XDH: variants seen among roughly 807,000 people sequenced by gnomAD.
XDH encodes the protein xanthine dehydrogenase, also known as xanthine dehydrogenase/oxidase.
Under a neutral mutation model 156.1 loss-of-function variants are expected in XDH, and 138 were observed. That is an observed-to-expected ratio of 0.88 (90% CI 0.77 to 1.02). The LOEUF (loss-of-function observed/expected upper bound fraction) is 1.02. Ranked by LOEUF, XDH falls within the 50% of genes least tolerant of loss-of-function variation. The pLI, the probability that XDH is intolerant of heterozygous loss-of-function variation, is 0.00. For synonymous variants in XDH, 669 were observed against 625.7 expected (o/e 1.07, Z -1.03); for missense variants, 1,849 against 1,684.9 (o/e 1.10, Z -1.71).
intron 24 of XDH, among the ~76,000 whole-genome samples, chr2:31,361,004 G>A (rs1685763481): frequency 6.6e-6 from 1 of 152,226 alleles, no homozygotes; most frequent in African/African-American, 2.4e-5. Flanking sequence ...GCCTGATTTA[G>A]TAAAAAGTAT....
At chr2:31,391,111 C>T (rs1385072591) in intron 6 of XDH, among the ~76,000 whole-genome samples, 2 of 152,068 alleles carry the variant, frequency 1.3e-5, no homozygotes, top group African/African-American at 2.4e-5. Flanking sequence ...TTGCTTTACA[C>T]TTAGGTTTAT....
chr2:31,349,968 A>G, intron 25 of XDH, 64 bp downstream of exon 25: 1 of 1,612,088 alleles, frequency 6.2e-7, no homozygotes, highest in Non-Finnish European at 8.5e-7. Context: ...CCCAAGATAC[A>G]AAGCCGCTGT....
At chr2:31,342,398 G>T in intron 31 of XDH, 101 bp from the exon 32 acceptor site, 1 of 1,047,350 alleles carries the variant, frequency 9.5e-7, no homozygotes. Context: ...AACCCCACAA[G>T]TTTTTGCATT....
At chr2:31,357,565 G>T (rs188225584) in intron 24 of XDH, among the ~76,000 whole-genome samples, 95 of 152,240 alleles carry the variant, frequency 6.2e-4, no homozygotes, top group African/African-American at 2.3e-3. Context: ...TAGGGGGACA[G>T]AGGATAAAAT....
intron 21 of XDH, 134 bp from the exon 22 acceptor site, chr2:31,366,243 T>C (rs956523066): frequency 2.6e-6 from 4 of 1,517,954 alleles, no homozygotes; most frequent in Non-Finnish European, 3.6e-6. Flanking sequence ...GAAAATCCCA[T>C]GCAGCTTTGT....
intron 31 of XDH, among the ~76,000 whole-genome samples, chr2:31,344,336 C>G (rs1044193433): frequency 1.3e-5 from 2 of 152,158 alleles, no homozygotes; most frequent in Admixed American, 6.5e-5. Flanking sequence ...CAGGAGAACA[C>G]TGAGGGAGGA....
intron 15 of XDH, among the ~76,000 whole-genome samples, chr2:31,374,709 C>A (rs891144571): frequency 3.3e-5 from 5 of 152,190 alleles, no homozygotes; most frequent in African/African-American, 1.2e-4. Context: ...CCACTTTGGG[C>A]TCCCTCCACA....
chr2:31,341,052 A>T (rs1293584608), intron 33 of XDH, among the ~76,000 whole-genome samples: 1 of 152,160 alleles, frequency 6.6e-6, no homozygotes, highest in Non-Finnish European at 1.5e-5. Flanking sequence ...GTGTGTGTGC[A>T]TGTTCACATG....
At chr2:31,349,013 C>A in intron 26 of XDH, 33 bp from the exon 27 acceptor site, 1 of 1,587,090 alleles carries the variant, frequency 6.3e-7, no homozygotes, top group South Asian at 1.1e-5. Context: ...ATAGAACCTT[C>A]GCTATCATAT....
Position 31,335,949 on chromosome 2 carries a change from A to ACC in XDH, c.*8_*9insGG. ...GCAGCACAAGAAGACTCTGCTGAGG[A>ACC]CTCTCTCTTTAGACCCTCACAGACC... On this transcript the variant is annotated 3_prime_UTR_variant, in exon 36 of 36. Coordinates refer to ENST00000379416, the MANE Select transcript of XDH (RefSeq NM_000379.4). The ACC allele has an allele frequency of 6.2e-7, 1 of 1,613,968 alleles. No individual in the cohort carries two copies. The highest frequency in any genetic ancestry group is 1.1e-5 in the South Asian group (1 of 91,072).
At chr2:31,338,238 C>T (rs1685021027) in intron 34 of XDH, among the ~76,000 whole-genome samples, 1 of 152,206 alleles carries the variant, frequency 6.6e-6, no homozygotes, top group Non-Finnish European at 1.5e-5. Context: ...AGTCATATTA[C>T]AGCATCCGCA....
intron 4 of XDH, among the ~76,000 whole-genome samples, chr2:31,399,692 C>A (rs1687004582): frequency 1.3e-5 from 2 of 152,152 alleles, no homozygotes; most frequent in South Asian, 4.2e-4. Flanking sequence ...GTTCCCCCAT[C>A]CTGTTCTCAT....
At chr2:31,400,830 C>T (rs945855696) in intron 4 of XDH, among the ~76,000 whole-genome samples, 1 of 152,128 alleles carries the variant, frequency 6.6e-6, no homozygotes, top group African/African-American at 2.4e-5. Flanking sequence ...GGCTTATAAA[C>T]AAGGGGCACA....
intron 17 of XDH, 148 bp downstream of exon 17, chr2:31,372,080 G>A: frequency 8.5e-7 from 1 of 1,182,874 alleles, no homozygotes; most frequent in Non-Finnish European, 1.2e-6. Flanking sequence ...TGCCTATAAG[G>A]TCTTCCCCTC....
chr2:31,410,027 A>T (rs1281976130), intron 1 of XDH, among the ~76,000 whole-genome samples: 6 of 152,372 alleles, frequency 3.9e-5, no homozygotes, highest in African/African-American at 1.4e-4. Flanking sequence ...AAAATGTGAT[A>T]CATCCATACA....
intron 1 of XDH, among the ~76,000 whole-genome samples, chr2:31,411,363 G>C (rs1009821611): frequency 6.6e-6 from 1 of 151,116 alleles, no homozygotes; most frequent in African/African-American, 2.4e-5. Flanking sequence ...ACTGTCAAAA[G>C]GTTCAGAAAT....
chr2:31,342,113 T>G, intron 32 of XDH, 70 bp downstream of exon 32: 3 of 1,370,876 alleles, frequency 2.2e-6, no homozygotes, highest in Non-Finnish European at 3.1e-6. Context: ...CTCTATCAGC[T>G]CTAGGTATTA....
At chr2:31,409,093 CA>C (rs1258652823) in intron 1 of XDH, among the ~76,000 whole-genome samples, 1 of 151,912 alleles carries the variant, frequency 6.6e-6, no homozygotes, top group Non-Finnish European at 1.5e-5. Context: ...AAAATCAAAA[CA>C]ATTGAACTCA....
chr2:31,366,382 T>C (rs953625512), intron 21 of XDH, among the ~76,000 whole-genome samples: 3 of 152,156 alleles, frequency 2.0e-5, no homozygotes, highest in African/African-American at 7.2e-5. Flanking sequence ...TGGTAGATCA[T>C]GAGAGTAGGA....
Sources: gnomAD v4.1 joint callset for allele counts (sites outside exome capture counted in the v4.1 genomes callset) on GRCh38, gnomAD v4.1.1 for gene constraint, MANE v1.5 for transcripts, NCBI Gene and HGNC (gene_info 2026-07-23, HGNC 2026-07-21) for gene names.